Variants in SEMA5B observed in about 807,000 individuals in gnomAD.
The protein encoded by SEMA5B is semaphorin-5B.
SEMA5B carries 66 observed loss-of-function variants against 135.0 expected under a neutral mutation model. The observed-to-expected ratio is 0.49, with a 90% CI of 0.40 to 0.60. SEMA5B has a LOEUF of 0.60. Ranked by LOEUF, SEMA5B falls within the 20% of genes least tolerant of loss-of-function variation. The probability of loss-of-function intolerance (pLI) is 0.00; values close to 1 mark genes in which losing one functional copy is unlikely to be tolerated. For synonymous variants in SEMA5B, 690 were observed against 639.5 expected (o/e 1.08, Z -1.19); for missense variants, 1,501 against 1,566.3 (o/e 0.96, Z 0.70).
At chr3:122,922,676 C>T (rs1295364089) in intron 10 of SEMA5B, among the ~76,000 whole-genome samples, 1 of 152,156 alleles carries the variant, frequency 6.6e-6, no homozygotes, top group Admixed American at 6.5e-5. Flanking sequence ...GAGGATCCTG[C>T]CAGGGTTGGG....
At chr3:123,014,363 C>T (rs187777420) in intron 1 of SEMA5B, among the ~76,000 whole-genome samples, 449 of 152,344 alleles carry the variant, frequency 2.9e-3, no homozygotes, top group Non-Finnish European at 5.2e-3. Context: ...AGCGCATCTC[C>T]TCCACTGACA....
At chr3:122,954,400 C>A (rs888498114) in intron 2 of SEMA5B, among the ~76,000 whole-genome samples, 8 of 152,236 alleles carry the variant, frequency 5.3e-5, no homozygotes, top group African/African-American at 1.7e-4. Flanking sequence ...TAAAATTTCC[C>A]GTTTTTACTT....
chr3:122,922,072 C>A lies in SEMA5B; in HGVS notation c.1531G>T (p.Gly511Cys). The A allele has an allele frequency of 6.7e-7, 1 of 1,495,854 alleles. No homozygotes were observed. Among genetic ancestry groups the A allele is most frequent in the Non-Finnish European group, 8.9e-7 (1 of 1,120,528 alleles). 92.7% of individuals were successfully genotyped at this position (1,495,854 alleles called of 1,614,324 possible). The change falls in exon 12 of 23, where the codon GGC becomes TGC. Residue 511 changes from glycine (G) to cysteine (C), a missense_variant. Gly to Cys is a radical substitution (Grantham distance 159). Transcript: ENST00000357599. ...ALSTASRSLHGCYLEELHVLP... is the reference protein window; with the variant it reads ...ALSTASRSLHCCYLEELHVLP... Reference sequence around the variant, plus strand: ...ACGTGCAGCTCCTCCAGGTAGCAGCCGTGGAGGCTGCGGCTCGCCGTGGAC... The same window carrying A: ...ACGTGCAGCTCCTCCAGGTAGCAGCAGTGGAGGCTGCGGCTCGCCGTGGAC...
intron 9 of SEMA5B, among the ~76,000 whole-genome samples, chr3:122,925,435 A>G (rs1433835557): frequency 6.6e-6 from 1 of 152,116 alleles, no homozygotes; most frequent in Non-Finnish European, 1.5e-5. Flanking sequence ...TTGGGAGGCC[A>G]AGGCAGGCAG....
intron 1 of SEMA5B, among the ~76,000 whole-genome samples, chr3:122,992,634 C>A (rs778104681): frequency 3.3e-5 from 5 of 152,188 alleles, no homozygotes; most frequent in Non-Finnish European, 5.9e-5. Flanking sequence ...ATTGGCCCTG[C>A]TCCCTAGATC....
intron 4 of SEMA5B, 21 bp downstream of exon 4, chr3:122,943,415 G>C (rs201658309): frequency 6.5e-7 from 1 of 1,540,688 alleles, no homozygotes; most frequent in South Asian, 1.2e-5. Flanking sequence ...TTCCCACCCC[G>C]ACCCTTCTGC....
intron 1 of SEMA5B, chr3:122,975,918 C>T: frequency 6.7e-7 from 1 of 1,496,586 alleles, no homozygotes; most frequent in South Asian, 1.2e-5. Flanking sequence ...CTCTCCTGCC[C>T]CCTCTCTGGC....
At chr3:122,925,045 T>C (rs1030101031) in intron 9 of SEMA5B, among the ~76,000 whole-genome samples, 3 of 152,206 alleles carry the variant, frequency 2.0e-5, no homozygotes, top group Admixed American at 2.0e-4. Context: ...TCCACACTGA[T>C]GGCGTCAGTT....
intron 5 of SEMA5B, among the ~76,000 whole-genome samples, chr3:122,934,447 G>A (rs1167186834): frequency 3.9e-5 from 6 of 152,154 alleles, no homozygotes; most frequent in Non-Finnish European, 8.8e-5. Context: ...AGAGCAACAT[G>A]TTCAGTCATG....
At chr3:122,990,055 T>TA (rs1576394736) in intron 1 of SEMA5B, among the ~76,000 whole-genome samples, 1 of 152,190 alleles carries the variant, frequency 6.6e-6, no homozygotes, top group East Asian at 1.9e-4. Context: ...TCATTAGAGA[T>TA]AAAATCTGCT....
chr3:122,911,098 C>T (rs1937671078), intron 21 of SEMA5B, 53 bp from the exon 22 acceptor site: 1 of 1,445,482 alleles, frequency 6.9e-7, no homozygotes, highest in Non-Finnish European at 9.5e-7. Context: ...AGAGGACAGA[C>T]TCCTGCCTGC....
chr3:122,997,413 T>C (rs1192475553), intron 1 of SEMA5B, among the ~76,000 whole-genome samples: 2 of 152,022 alleles, frequency 1.3e-5, no homozygotes, highest in Non-Finnish European at 2.9e-5. Flanking sequence ...AGATTTTCTC[T>C]ACTCCAGACC....
At chr3:123,025,943 C>A (rs999574650) in intron 1 of SEMA5B, among the ~76,000 whole-genome samples, 1 of 152,186 alleles carries the variant, frequency 6.6e-6, no homozygotes, top group Non-Finnish European at 1.5e-5. Context: ...GTTCAAGTTC[C>A]CCTCTTGCCC....
At position 122,913,231 on chromosome 3, in the gene SEMA5B, G is replaced by A. The variant is rs901258550; in HGVS notation, c.2474C>T (p.Pro825Leu). Residue 825 changes from proline to leucine, a missense_variant, in exon 17 of 23, where the codon CCC becomes CTC. Pro to Leu is a moderately conservative substitution (Grantham distance 98, BLOSUM62 -3). Coordinates refer to ENST00000357599, the MANE Select transcript of SEMA5B (RefSeq NM_001031702.4). ...GRRRTETRTCPADGSGSCDTD... is the reference protein window; with the variant it reads ...GRRRTETRTCLADGSGSCDTD... ...GTCGCAGGAGCCGGAGCCGTCCGCG[G>A]GACAGGTCCTCGTCTCGGTCCTTCT... The A allele has an allele frequency of 6.3e-7, 1 of 1,583,362 alleles. No individual in the cohort carries two copies. Among genetic ancestry groups the A allele is most frequent in the Non-Finnish European group, 8.5e-7 (1 of 1,173,788 alleles).
intron 2 of SEMA5B, among the ~76,000 whole-genome samples, chr3:122,957,789 T>C (rs1006174899): frequency 6.6e-6 from 1 of 152,212 alleles, no homozygotes; most frequent in African/African-American, 2.4e-5. Flanking sequence ...CGCGACTGTC[T>C]GCTGCATAAG....
chr3:122,939,786 C>A (rs1465297133), intron 4 of SEMA5B, among the ~76,000 whole-genome samples: 1 of 152,192 alleles, frequency 6.6e-6, no homozygotes, highest in African/African-American at 2.4e-5. Flanking sequence ...TCCCAGCCAA[C>A]TCAGCTAGCC....
intron 1 of SEMA5B, among the ~76,000 whole-genome samples, chr3:122,977,916 C>T (rs1344131167): frequency 6.6e-6 from 1 of 152,222 alleles, no homozygotes; most frequent in East Asian, 1.9e-4. Flanking sequence ...AGTTGTCACT[C>T]AATAAATATT....
At chr3:122,971,686 C>T (rs1941127154) in intron 1 of SEMA5B, among the ~76,000 whole-genome samples, 1 of 152,268 alleles carries the variant, frequency 6.6e-6, no homozygotes, top group South Asian at 2.1e-4. Context: ...ACACTTATTG[C>T]TGCATGGGTG....
chr3:122,912,099 T>C lies in SEMA5B; in HGVS notation c.2897-30A>G, dbSNP rs1050859789. ...GGATTGTGGGTAGGATGAGGTTAAC[T>C]GCCCAGGGACCCCCTGGTGGGGATC... On this transcript the variant is annotated intron_variant, in intron 19 of 22. Coordinates refer to ENST00000357599, the MANE Select transcript of SEMA5B (RefSeq NM_001031702.4). 3 of 1,598,706 alleles carry C rather than the reference T, an allele frequency of 1.9e-6. No individual in the cohort carries two copies. In the African/African-American group the frequency reaches 4.0e-5, roughly 21 times the overall value.
Sources: gnomAD v4.1 joint callset for allele counts (sites outside exome capture counted in the v4.1 genomes callset) on GRCh38, gnomAD v4.1.1 for gene constraint, MANE v1.5 for transcripts, NCBI Gene and HGNC (gene_info 2026-07-23, HGNC 2026-07-21) for gene names.